ZMYM2: variants seen among roughly 807,000 people sequenced by gnomAD.
ZMYM2 encodes the protein zinc finger MYM-type containing 2.
In ZMYM2, 56 loss-of-function variants were observed where a neutral mutation model predicts 162.8. The observed-to-expected ratio is 0.34, with a 90% CI of 0.28 to 0.43. The LOEUF is 0.43. ZMYM2 is among the 20% of genes least tolerant of loss of function. The pLI is 1.00. For missense variants in ZMYM2, 1,275 were observed against 1,621.8 expected, an observed-to-expected ratio of 0.79 and a Z score of 3.67; for synonymous variants, 510 against 541.6, an observed-to-expected ratio of 0.94 and a Z score of 0.81.
rs376481374 is a variant in ZMYM2, at chr13:20,059,433, T to C, written c.2624-14T>C. On this transcript the variant is annotated splice_polypyrimidine_tract_variant and intron_variant, in intron 15 of 24. Transcript: ENST00000610343. Reference sequence around the variant, plus strand: ...TAGTTAACATTGCTCCTTAAATATGTTTTGTGTTTTTAGATGATACTTGGA... The same window carrying C: ...TAGTTAACATTGCTCCTTAAATATGCTTTGTGTTTTTAGATGATACTTGGA... 1.1e-4 allele frequency: 172 copies of C among 1,612,500 alleles called. No homozygotes were observed. The highest frequency in any genetic ancestry group is 1.3e-4 in the Non-Finnish European group (154 of 1,179,048).
rs1165952027 is a variant in ZMYM2, at chr13:19,959,177, GCGGCGGGA to G, written c.-80+352_-80+359del. Among the ~76,000 whole-genome samples the G allele has an allele frequency of 1.9e-4, 28 of 148,174 alleles. 1 individual carries two copies. The highest frequency in any genetic ancestry group is 4.2e-4 in the South Asian group (2 of 4,798). ...CGGCGGGGGTCGCGGGGCCGGCGGG[GCGGCGGGA>G]CGGCGGGACGGCGGGGCGGGGGTGC... On this transcript the variant is annotated intron_variant, in intron 1 of 24. Coordinates refer to ENST00000610343, the MANE Select transcript of ZMYM2 (RefSeq NM_197968.4).
chr13:19,958,054 T>A (rs879571653), upstream of ZMYM2, among the ~76,000 whole-genome samples: 5 of 152,166 alleles, frequency 3.3e-5, no homozygotes, highest in Admixed American at 2.0e-4. Context: ...GAGGACGTCG[T>A]CTCCTCCTGC....
At chr13:19,968,296 G>T (rs1018824375) in intron 2 of ZMYM2, among the ~76,000 whole-genome samples, 17 of 152,006 alleles carry the variant, frequency 1.1e-4, no homozygotes, top group Non-Finnish European at 1.5e-5. Context: ...AAGCTGGAGC[G>T]CAATGGTGTG....
intron 23 of ZMYM2, 59 bp from the exon 24 acceptor site, chr13:20,083,597 A>G (rs1958048175): frequency 8.4e-6 from 11 of 1,305,078 alleles, no homozygotes; most frequent in Non-Finnish European, 1.1e-5. Flanking sequence ...ACTAGGAGTG[A>G]TGTTTATATC....
chr13:19,880,463 C>T, the ZMYM2 span, among the ~76,000 whole-genome samples: 5 of 151,964 alleles, frequency 3.3e-5, no homozygotes, highest in African/African-American at 1.2e-4. Flanking sequence ...GAGTCTCACT[C>T]TGTCACCCAG....
At chr13:19,986,948 C>A (rs1949195898) in intron 2 of ZMYM2, among the ~76,000 whole-genome samples, 2 of 150,930 alleles carry the variant, frequency 1.3e-5, no homozygotes, top group Admixed American at 6.6e-5. Context: ...ACTAAAAATA[C>A]AAAAAAATTA....
chr13:20,027,343 C>T, intron 9 of ZMYM2, 25 bp downstream of exon 9: 1 of 1,483,418 alleles, frequency 6.7e-7, no homozygotes, highest in South Asian at 1.2e-5. Context: ...TTGCATAACC[C>T]ATGCCCCCAA....
chr13:19,926,309 A>G, the ZMYM2 span, among the ~76,000 whole-genome samples: 1 of 151,412 alleles, frequency 6.6e-6, no homozygotes, highest in African/African-American at 2.4e-5. Flanking sequence ...TTCAAACAAT[A>G]AAGGATGTAT....
the ZMYM2 span, among the ~76,000 whole-genome samples, chr13:19,927,253 G>A: frequency 6.6e-6 from 1 of 152,002 alleles, no homozygotes; most frequent in African/African-American, 2.4e-5. Flanking sequence ...CTAGACCATT[G>A]CCGATAACAT....
chr13:20,045,680 A>C (rs1954707534), intron 12 of ZMYM2, among the ~76,000 whole-genome samples: 1 of 152,192 alleles, frequency 6.6e-6, no homozygotes, highest in African/African-American at 2.4e-5. Context: ...GCATTTAGTG[A>C]GTACAAATTT....
chr13:19,883,752 A>G, the ZMYM2 span, among the ~76,000 whole-genome samples: 31 of 151,696 alleles, frequency 2.0e-4, no homozygotes, highest in Middle Eastern at 3.4e-3. Flanking sequence ...TTCTCATGGT[A>G]TATATATATA....
chr13:19,897,368 G>C, the ZMYM2 span, among the ~76,000 whole-genome samples: 1 of 152,006 alleles, frequency 6.6e-6, no homozygotes, highest in Non-Finnish European at 1.5e-5. Flanking sequence ...AAAAAATAAA[G>C]AGGATCCAAA....
At chr13:19,912,303 T>G in the ZMYM2 span, among the ~76,000 whole-genome samples, 18 of 151,196 alleles carry the variant, frequency 1.2e-4, no homozygotes, top group Admixed American at 9.3e-4. Context: ...TTTTTTTTTT[T>G]TTTTTTTTTT....
chr13:19,921,858 A>G, the ZMYM2 span, among the ~76,000 whole-genome samples: 31 of 152,144 alleles, frequency 2.0e-4, no homozygotes, highest in Non-Finnish European at 4.0e-4. Context: ...GCAACCTGGA[A>G]GTATAAATTC....
At chr13:19,934,947 A>C in the ZMYM2 span, among the ~76,000 whole-genome samples, 5 of 151,654 alleles carry the variant, frequency 3.3e-5, no homozygotes, top group Non-Finnish European at 7.4e-5. Context: ...TTGTATTTTT[A>C]GTAGAGACGA....
intron 6 of ZMYM2, among the ~76,000 whole-genome samples, chr13:20,011,584 T>TTTTG (rs1566291273): frequency 6.6e-6 from 1 of 150,824 alleles, no homozygotes; most frequent in African/African-American, 2.5e-5. Context: ...TTTTATTTTT[T>TTTTG]TTTTTTTTGA....
chr13:19,928,639 A>G, the ZMYM2 span, among the ~76,000 whole-genome samples: 1 of 152,056 alleles, frequency 6.6e-6, no homozygotes, highest in Non-Finnish European at 1.5e-5. Context: ...TCTACTAAAA[A>G]TATAAAAATT....
chr13:19,978,734 C>T (rs971167646), intron 2 of ZMYM2, among the ~76,000 whole-genome samples: 29 of 152,036 alleles, frequency 1.9e-4, no homozygotes, highest in Non-Finnish European at 3.5e-4. Flanking sequence ...TGTTTTGTGC[C>T]TTTATCTTTT....
intron 12 of ZMYM2, among the ~76,000 whole-genome samples, chr13:20,042,981 C>T (rs1487255380): frequency 6.6e-6 from 1 of 152,152 alleles, no homozygotes; most frequent in Non-Finnish European, 1.5e-5. Context: ...GCCTCTGCCT[C>T]CCAAAGTGCT....
Sources: gnomAD v4.1 joint callset for allele counts (sites outside exome capture counted in the v4.1 genomes callset) on GRCh38, gnomAD v4.1.1 for gene constraint, MANE v1.5 for transcripts, NCBI Gene and HGNC (gene_info 2026-07-23, HGNC 2026-07-21) for gene names.